The following LDLRAD3 variants were observed in gnomAD, a reference collection of about 807,000 sequenced individuals.
The protein encoded by LDLRAD3 is low-density lipoprotein receptor class A domain-containing protein 3.
Under a neutral mutation model 29.4 loss-of-function variants are expected in LDLRAD3, and 20 were observed. The ratio of observed to expected loss-of-function variants is 0.68; its 90% CI spans 0.48 to 0.99. The LOEUF (loss-of-function observed/expected upper bound fraction) is 0.99. Among genes scored for constraint, LDLRAD3 ranks in the 50% least tolerant of loss-of-function variants. The pLI is 0.00. For synonymous variants in LDLRAD3, 157 were observed against 192.7 expected, an observed-to-expected ratio of 0.81 and a Z score of 1.53; for missense variants, 420 against 454.3, an observed-to-expected ratio of 0.92 and a Z score of 0.69.
intron 2 of LDLRAD3, among the ~76,000 whole-genome samples, chr11:36,054,138 A>G (rs1024114768): frequency 2.0e-5 from 3 of 152,080 alleles, no homozygotes; most frequent in Non-Finnish European, 4.4e-5. Context: ...TTTCCCCCCC[A>G]TTTTCTGCAT....
intron 2 of LDLRAD3, among the ~76,000 whole-genome samples, chr11:36,039,076 T>C (rs1325363019): frequency 6.6e-6 from 1 of 151,620 alleles, no homozygotes; most frequent in Non-Finnish European, 1.5e-5. Flanking sequence ...TTCACGCCAT[T>C]CTCTCGCCTC....
intron 4 of LDLRAD3, among the ~76,000 whole-genome samples, chr11:36,204,759 G>T (rs2133376992): frequency 6.6e-6 from 1 of 152,316 alleles, no homozygotes; most frequent in East Asian, 1.9e-4. Context: ...AGAGTGCTGG[G>T]ATTACAGGCG....
At chr11:36,029,513 C>T (rs1472088857) in intron 1 of LDLRAD3, among the ~76,000 whole-genome samples, 1 of 152,064 alleles carries the variant, frequency 6.6e-6, no homozygotes, top group Non-Finnish European at 1.5e-5. Context: ...GGCCGTATCC[C>T]GATGGCTCTG....
rs144714136 is a variant in LDLRAD3 at position 36,091,041 on chromosome 11, G to T, written c.320-7286G>T. 1.1e-3 allele frequency among the ~76,000 whole-genome samples: 172 copies of T among 152,314 alleles called. 1 individual carries two copies. The highest frequency in any genetic ancestry group is 2.1e-3 in the Non-Finnish European group (143 of 68,028). On this transcript the variant is annotated intron_variant, in intron 3 of 5. Coordinates refer to ENST00000315571, the MANE Select transcript of LDLRAD3 (RefSeq NM_174902.4). ...AGGGAGACTCCTTCAGTGGGCTCTG[G>T]TTTCCTGGGGCCAGGCGCCCTCTAT...
At chr11:36,097,475 A>G (rs545764881) in intron 3 of LDLRAD3, among the ~76,000 whole-genome samples, 10 of 152,276 alleles carry the variant, frequency 6.6e-5, no homozygotes, top group African/African-American at 2.4e-4. Context: ...GGATATGTCC[A>G]TGAGGTTCAG....
At chr11:36,073,061 G>T (rs1852934098) in intron 2 of LDLRAD3, among the ~76,000 whole-genome samples, 1 of 152,176 alleles carries the variant, frequency 6.6e-6, no homozygotes, top group Non-Finnish European at 1.5e-5. Context: ...GTTTATTTAG[G>T]GTATTAGTAA....
chr11:35,996,383 G>T (rs1851754856), intron 1 of LDLRAD3, among the ~76,000 whole-genome samples: 1 of 152,150 alleles, frequency 6.6e-6, no homozygotes, highest in South Asian at 2.1e-4. Context: ...TATGGGTGTG[G>T]TTTGAGGTGC....
intron 3 of LDLRAD3, among the ~76,000 whole-genome samples, chr11:36,083,568 G>A (rs533407873): frequency 6.6e-6 from 1 of 152,016 alleles, no homozygotes; most frequent in African/African-American, 2.4e-5. Flanking sequence ...TAAAATAGTG[G>A]TTTAAAACAA....
Position 36,227,102 on chromosome 11 carries a change from G to T in LDLRAD3, c.472G>T (p.Val158Leu), listed in dbSNP as rs771607204. Residue 158 changes from valine to leucine, a missense_variant, in exon 5 of 6, where the codon GTG becomes TTG. By Grantham distance (32) the Val-to-Leu change is conservative. Around this residue, in one of 3 missense-constraint regions of LDLRAD3, gnomAD observed 224 missense variants for 222.2 expected, o/e 1.01. Transcript: ENST00000315571. ...ESSQEPGSGQ[V>L]FVTSENQLVY... ...TTTCTCAGAACCCGGCAGTGGGCAG[G>T]TGTTTGTGACTTCAGAGAACCAACT... The T allele has an allele frequency of 5.0e-6, 8 of 1,597,776 alleles. No individual in the cohort carries two copies. The highest frequency in any genetic ancestry group is 6.9e-6 in the Non-Finnish European group (8 of 1,167,530).
chr11:36,158,621 T>C (rs1377661816), intron 4 of LDLRAD3, among the ~76,000 whole-genome samples: 2 of 146,646 alleles, frequency 1.4e-5, no homozygotes, highest in African/African-American at 4.9e-5. Context: ...CTCTGCCCAC[T>C]ACCATGTAAA....
intron 1 of LDLRAD3, chr11:35,997,448 C>A: frequency 2.6e-6 from 1 of 391,752 alleles, no homozygotes; most frequent in Non-Finnish European, 5.0e-6. Flanking sequence ...ACCCTTCTGG[C>A]AGTGGCAGAT....
At chr11:35,954,246 A>C (rs1282951649) in intron 1 of LDLRAD3, among the ~76,000 whole-genome samples, 1 of 152,236 alleles carries the variant, frequency 6.6e-6, no homozygotes, top group Non-Finnish European at 1.5e-5. Flanking sequence ...ATGGTACAAA[A>C]TATGAATGTA....
intron 4 of LDLRAD3, among the ~76,000 whole-genome samples, chr11:36,123,129 A>G (rs541499251): frequency 1.3e-5 from 2 of 152,278 alleles, no homozygotes; most frequent in African/African-American, 4.8e-5. Context: ...CAAGGCTGCA[A>G]TGAACTATGA....
intron 4 of LDLRAD3, among the ~76,000 whole-genome samples, chr11:36,218,792 AG>A (rs1297756968): frequency 6.6e-6 from 1 of 152,204 alleles, no homozygotes; most frequent in Admixed American, 6.5e-5. Context: ...ATGGTATTGT[AG>A]CATTGTTTGT....
intron 1 of LDLRAD3, among the ~76,000 whole-genome samples, chr11:35,959,375 T>G (rs1301650726): frequency 6.6e-6 from 1 of 152,240 alleles, no homozygotes; most frequent in Non-Finnish European, 1.5e-5. Context: ...GTAACTTGTA[T>G]TTGTTCGTGT....
intron 1 of LDLRAD3, among the ~76,000 whole-genome samples, chr11:35,965,352 T>G (rs560336895): frequency 4.6e-5 from 7 of 152,232 alleles, no homozygotes; most frequent in African/African-American, 9.6e-5. Flanking sequence ...ATTTTCTACT[T>G]TTGTTGCTAA....
chr11:36,059,417 A>G (rs186797934), intron 2 of LDLRAD3, among the ~76,000 whole-genome samples: 1 of 150,516 alleles, frequency 6.6e-6, no homozygotes, highest in East Asian at 2.0e-4. Context: ...CACAGCTAGA[A>G]TTCTGAACTC....
intron 4 of LDLRAD3, among the ~76,000 whole-genome samples, chr11:36,144,721 G>A (rs1204167761): frequency 6.0e-5 from 8 of 133,528 alleles, no homozygotes; most frequent in South Asian, 2.7e-4. Flanking sequence ...AGTGAGGAGC[G>A]TCTCCGCCCG....
At chr11:36,075,433 G>A (rs1852981276) in intron 2 of LDLRAD3, among the ~76,000 whole-genome samples, 1 of 152,288 alleles carries the variant, frequency 6.6e-6, no homozygotes, top group Admixed American at 6.5e-5. Context: ...TGTAGTGTTG[G>A]TGTATCTCAT....
Sources: allele counts gnomAD v4.1 joint callset (sites outside exome capture counted in the v4.1 genomes callset), GRCh38; gene constraint gnomAD v4.1.1; regional missense constraint gnomAD v4.1.1; transcripts MANE v1.5; gene names NCBI Gene and HGNC (gene_info 2026-07-23, HGNC 2026-07-21).